The following MYO10 variants were observed in gnomAD, a reference collection of about 807,000 sequenced individuals.
MYO10 encodes the protein unconventional myosin-X.
In MYO10, 133 loss-of-function variants were observed where a neutral mutation model predicts 257.3. The ratio of observed to expected loss-of-function variants is 0.52; its 90% CI spans 0.45 to 0.60. MYO10 has a LOEUF of 0.60. Ranked by LOEUF, MYO10 falls within the 20% of genes least tolerant of loss-of-function variation. MYO10 has a pLI of 0.00. For synonymous variants in MYO10, 1,104 were observed against 1,028.6 expected (o/e 1.07, Z -1.40); for missense variants, 2,399 against 2,635.7 (o/e 0.91, Z 1.97).
At chr5:16,676,697 C>G (rs1304067390) in intron 33 of MYO10, among the ~76,000 whole-genome samples, 1 of 152,146 alleles carries the variant, frequency 6.6e-6, no homozygotes, top group Non-Finnish European at 1.5e-5. Context: ...GCCTGGCTGA[C>G]AGAGCGAGAC....
intron 2 of MYO10, among the ~76,000 whole-genome samples, chr5:16,876,241 CATTAA>C (rs1383723517): frequency 2.0e-5 from 3 of 152,148 alleles, no homozygotes; most frequent in Non-Finnish European, 4.4e-5. Flanking sequence ...CAATTTATAA[CATTAA>C]ATTAGTTTCC....
intron 1 of MYO10, chr5:16,902,150 A>G (rs534272863): frequency 1.8e-6 from 1 of 569,592 alleles, no homozygotes; most frequent in South Asian, 2.2e-5. Flanking sequence ...GATTCAAGTG[A>G]TTCTCCTGCC....
At chr5:16,845,513 T>C (rs954953950) in intron 2 of MYO10, among the ~76,000 whole-genome samples, 3 of 151,980 alleles carry the variant, frequency 2.0e-5, no homozygotes, top group Non-Finnish European at 4.4e-5. Flanking sequence ...TAAAAAAATG[T>C]AAAACTTAGC....
At chr5:16,915,141 TCA>T (rs1580146107) in intron 1 of MYO10, among the ~76,000 whole-genome samples, 1 of 152,022 alleles carries the variant, frequency 6.6e-6, no homozygotes, top group East Asian at 1.9e-4. Context: ...ATAATATTGA[TCA>T]CACAAATAAA....
chr5:16,700,932 T>C (rs1414191443), intron 25 of MYO10, 31 bp downstream of exon 25: 1 of 1,515,086 alleles, frequency 6.6e-7, no homozygotes, highest in Non-Finnish European at 8.9e-7. Flanking sequence ...CGGCCACCCA[T>C]TTCACTGGGA....
chr5:16,704,510 G>T (rs1738239500), intron 22 of MYO10, 69 bp downstream of exon 22: 2 of 1,365,008 alleles, frequency 1.5e-6, no homozygotes, highest in Non-Finnish European at 2.1e-6. Flanking sequence ...CACTCCACTG[G>T]AACACACTGG....
At chr5:16,778,917 C>T (rs1402095600) in intron 9 of MYO10, among the ~76,000 whole-genome samples, 1 of 152,056 alleles carries the variant, frequency 6.6e-6, no homozygotes, top group Non-Finnish European at 1.5e-5. Context: ...GTCTCAATCT[C>T]CTGACCTCGT....
intron 2 of MYO10, among the ~76,000 whole-genome samples, chr5:16,867,656 G>GGCTTTAAGTGGGAGCTGCGATT (rs1043862427): frequency 6.6e-6 from 1 of 152,152 alleles, no homozygotes; most frequent in Non-Finnish European, 1.5e-5. Flanking sequence ...AGTCAGAGAC[G>GGCTTTAAGTGGGAGCTGCGATT]GCTTTAAGTG....
At chr5:16,896,324 G>C (rs990850965) in intron 1 of MYO10, among the ~76,000 whole-genome samples, 1 of 151,978 alleles carries the variant, frequency 6.6e-6, no homozygotes, top group South Asian at 2.1e-4. Flanking sequence ...GGCCAGGCAC[G>C]GTGGCTCATG....
At chr5:16,728,762 T>C (rs1454778018) in intron 19 of MYO10, among the ~76,000 whole-genome samples, 3 of 152,222 alleles carry the variant, frequency 2.0e-5, no homozygotes, top group Non-Finnish European at 2.9e-5. Context: ...TCTAGTTCTG[T>C]GCCCTTCGTC....
rs146996371 is a variant in MYO10, at chr5:16,802,324, T to G, written c.280-7491A>C. 2.0e-5 allele frequency among the ~76,000 whole-genome samples: 3 copies of G among 152,222 alleles called. No homozygotes were observed. The East Asian group carries it at 5.8e-4, about 29-fold the overall frequency. On this transcript the variant is annotated intron_variant, in intron 3 of 40. Coordinates refer to ENST00000513610, the MANE Select transcript of MYO10 (RefSeq NM_012334.3). ...CAACGGCTGTGATACATTTTGTTCA[T>G]GCATTTTACCAAAATAAAATTTTTT...
intron 39 of MYO10, 102 bp from the exon 40 acceptor site, chr5:16,668,570 A>T: frequency 1.1e-6 from 1 of 912,270 alleles, no homozygotes. Flanking sequence ...TCTGTGCAGA[A>T]GATTAAATAT....
At chr5:16,691,685 C>T (rs1053128567) in intron 27 of MYO10, among the ~76,000 whole-genome samples, 7 of 137,162 alleles carry the variant, frequency 5.1e-5, no homozygotes, top group African/African-American at 1.1e-4. Context: ...AGTGACAGAG[C>T]GAGACTCTGT....
At chr5:16,913,877 AG>A in intron 1 of MYO10, among the ~76,000 whole-genome samples, 1 of 152,166 alleles carries the variant, frequency 6.6e-6, no homozygotes, top group Non-Finnish European at 1.5e-5. Context: ...CGAGACAAAA[AG>A]ACAAGAAGGA....
At chr5:16,826,411 GCATACA>G (rs1743001497) in intron 2 of MYO10, among the ~76,000 whole-genome samples, 1 of 152,154 alleles carries the variant, frequency 6.6e-6, no homozygotes, top group Non-Finnish European at 1.5e-5. Flanking sequence ...ACAGTGACTG[GCATACA>G]ACAAGAACAC....
At chr5:16,802,874 T>C (rs1278187298) in intron 3 of MYO10, among the ~76,000 whole-genome samples, 2 of 151,580 alleles carry the variant, frequency 1.3e-5, no homozygotes, top group Non-Finnish European at 2.9e-5. Context: ...CCCAACACTT[T>C]GGGAGGATCA....
chr5:16,732,406 GAACCTAA>G (rs1739619394), intron 19 of MYO10, among the ~76,000 whole-genome samples: 1 of 152,170 alleles, frequency 6.6e-6, no homozygotes, highest in African/African-American at 2.4e-5. Context: ...TTTATCTAGT[GAACCTAA>G]CGAAACCTTT....
intron 19 of MYO10, among the ~76,000 whole-genome samples, chr5:16,743,503 C>T (rs372311802): frequency 3.3e-5 from 5 of 152,106 alleles, no homozygotes; most frequent in East Asian, 3.9e-4. Flanking sequence ...ATCGGCCAGG[C>T]GTGGCAGTGC....
intron 3 of MYO10, chr5:16,814,921 A>G (rs1403605904): frequency 6.6e-6 from 1 of 152,278 alleles, no homozygotes; most frequent in Non-Finnish European, 1.5e-5. Flanking sequence ...TTATCATGAA[A>G]AGAGGAAAAT....
Sources: gnomAD v4.1 joint callset for allele counts (sites outside exome capture counted in the v4.1 genomes callset) on GRCh38, gnomAD v4.1.1 for gene constraint, MANE v1.5 for transcripts, NCBI Gene and HGNC (gene_info 2026-07-23, HGNC 2026-07-21) for gene names.